The following ATF7 variants were observed in gnomAD, a reference collection of about 807,000 sequenced individuals.
ATF7 encodes the protein cyclic AMP-dependent transcription factor ATF-7.
A neutral mutation model predicts 50.4 loss-of-function variants in ATF7; 10 were observed. That is an observed-to-expected ratio of 0.20 (90% CI 0.12 to 0.34). The LOEUF is 0.34. Among genes scored for constraint, ATF7 ranks in the 10% least tolerant of loss-of-function variants. The probability of loss-of-function intolerance (pLI) is 1.00; values close to 1 mark genes in which losing one functional copy is unlikely to be tolerated. For synonymous variants in ATF7, 201 were observed against 226.4 expected (o/e 0.89, Z 1.01); for missense variants, 465 against 613.9 (o/e 0.76, Z 2.56).
intron 2 of ATF7, among the ~76,000 whole-genome samples, chr12:53,582,735 C>T (rs1258418485): frequency 4.6e-5 from 7 of 152,116 alleles, no homozygotes; most frequent in Non-Finnish European, 7.4e-5. Context: ...CCCGCCACCA[C>T]GCCCGGCTAA....
At chr12:53,591,181 C>A (rs1942922542) in intron 2 of ATF7, among the ~76,000 whole-genome samples, 1 of 152,066 alleles carries the variant, frequency 6.6e-6, no homozygotes, top group South Asian at 2.1e-4. Context: ...CTTACTGCTG[C>A]TCTAAAAAAT....
intron 9 of ATF7, 63 bp downstream of exon 9, chr12:53,531,681 A>C: frequency 1.3e-6 from 2 of 1,485,348 alleles, no homozygotes; most frequent in Non-Finnish European, 1.8e-6. Flanking sequence ...CTGCTCCTTG[A>C]ACAATAGATA....
chr12:53,620,445 G>A (rs1432567360), intron 1 of ATF7, among the ~76,000 whole-genome samples: 3 of 149,944 alleles, frequency 2.0e-5, no homozygotes, highest in African/African-American at 7.3e-5. Context: ...GCGTAGTGGC[G>A]GGCGCCTGTA....
At chr12:53,620,471 G>A (rs1243881133) in intron 1 of ATF7, among the ~76,000 whole-genome samples, 4 of 149,728 alleles carry the variant, frequency 2.7e-5, no homozygotes, top group African/African-American at 7.3e-5. Flanking sequence ...AGCTACTTGG[G>A]AGGCTGAGGC....
At chr12:53,601,956 G>C (rs952935828) in intron 1 of ATF7, among the ~76,000 whole-genome samples, 1 of 152,162 alleles carries the variant, frequency 6.6e-6, no homozygotes, top group African/African-American at 2.4e-5. Context: ...GAAATTCTTT[G>C]TTGAAGAACA....
At chr12:53,555,814 TTTG>T (rs757762124) in intron 2 of ATF7, among the ~76,000 whole-genome samples, 1 of 148,790 alleles carries the variant, frequency 6.7e-6, no homozygotes, top group Non-Finnish European at 1.5e-5. Context: ...CCCGTCTTTT[TTTG>T]TTTTGTTTTG....
chr12:53,603,950 A>C (rs886249205), intron 1 of ATF7, among the ~76,000 whole-genome samples: 7 of 152,202 alleles, frequency 4.6e-5, no homozygotes, highest in Non-Finnish European at 8.8e-5. Flanking sequence ...ATCTTGAAAA[A>C]CAATGCTGCC....
intron 2 of ATF7, among the ~76,000 whole-genome samples, chr12:53,582,709 G>C (rs944247992): frequency 3.9e-5 from 6 of 152,118 alleles, no homozygotes; most frequent in African/African-American, 1.2e-4. Flanking sequence ...CTCCGGAGTA[G>C]CTGGGACTAC....
Position 53,593,762 on chromosome 12 carries a change from C to T in ATF7, c.48+7191G>A, listed in dbSNP as rs531354474. Among the ~76,000 whole-genome samples, 12 of 152,282 alleles carry T rather than the reference C, an allele frequency of 7.9e-5. No individual in the cohort carries two copies. In the South Asian group the frequency reaches 2.1e-3, roughly 26 times the overall value. Reference sequence around the variant, plus strand: ...CTATGACAAGTTTTCCCCAGTAAAACGCCAGAAGACTTTACTAACAGCTTC... The same window carrying T: ...CTATGACAAGTTTTCCCCAGTAAAATGCCAGAAGACTTTACTAACAGCTTC... On this transcript the variant is annotated intron_variant, in intron 2 of 11. Transcript: ENST00000420353.
intron 1 of ATF7, among the ~76,000 whole-genome samples, chr12:53,604,663 A>C (rs1183421916): frequency 6.6e-6 from 1 of 152,238 alleles, no homozygotes; most frequent in Non-Finnish European, 1.5e-5. Flanking sequence ...TAAAAGCCAC[A>C]TACAAACACA....
rs1383652170 is a variant in ATF7, at chr12:53,518,907, AG to A, written c.1235-1554del. ...CAAAAAAAAAAAAAACCAAAAAATTAGCTGGGCATGGTGGCGGGCGCCTGTT... is the reference window on the plus strand; with the variant it reads ...CAAAAAAAAAAAAAACCAAAAAATTACTGGGCATGGTGGCGGGCGCCTGTT... On this transcript the variant is annotated intron_variant, in intron 11 of 11. Transcript: ENST00000420353. 2.0e-5 allele frequency among the ~76,000 whole-genome samples: 3 copies of A among 151,700 alleles called. No homozygotes were observed. The East Asian group carries it at 5.8e-4, about 29-fold the overall frequency.
At chr12:53,611,420 T>C (rs1943874845) in intron 1 of ATF7, among the ~76,000 whole-genome samples, 1 of 151,884 alleles carries the variant, frequency 6.6e-6, no homozygotes, top group African/African-American at 2.4e-5. Flanking sequence ...GCCACTGCAC[T>C]CCAGCCTGGT....
chr12:53,562,421 C>T (rs1941183808), intron 2 of ATF7, among the ~76,000 whole-genome samples: 1 of 152,104 alleles, frequency 6.6e-6, no homozygotes, highest in Non-Finnish European at 1.5e-5. Context: ...GGGCAGATCA[C>T]CTGAGGTCAG....
rs1470905771 is a variant in ATF7 at position 53,513,904 on chromosome 12, C to T, written c.*3233G>A. 2 of 152,266 alleles carry T rather than the reference C, an allele frequency of 1.3e-5. No homozygotes were observed. Among genetic ancestry groups the T allele is most frequent in the Non-Finnish European group, 2.9e-5 (2 of 68,144 alleles). The allele number at this position is 152,266 out of a possible 1,614,324, so 9.4% of individuals were successfully genotyped here. A position where few individuals can be genotyped will look rare whatever the true frequency, so the allele number is the denominator to read the frequency against. Reference sequence around the variant, plus strand: ...AAGAAAGGAGCCAAAACCAACAGAACAGGGATAGAGAAGTGAGCGAGAGGA... The same window carrying T: ...AAGAAAGGAGCCAAAACCAACAGAATAGGGATAGAGAAGTGAGCGAGAGGA... On this transcript the variant is annotated 3_prime_UTR_variant, in exon 12 of 12. Coordinates refer to ENST00000420353, the MANE Select transcript of ATF7 (RefSeq NM_006856.3).
At chr12:53,573,997 C>G (rs957641817) in intron 2 of ATF7, among the ~76,000 whole-genome samples, 2 of 152,192 alleles carry the variant, frequency 1.3e-5, no homozygotes, top group Non-Finnish European at 2.9e-5. Flanking sequence ...CACAACTTTA[C>G]TAGGGACGTA....
intron 2 of ATF7, among the ~76,000 whole-genome samples, chr12:53,574,222 T>C (rs2137646579): frequency 6.6e-6 from 1 of 152,050 alleles, no homozygotes; most frequent in Non-Finnish European, 1.5e-5. Context: ...AGAAGAGAGA[T>C]GAAAATTCTA....
At chr12:53,622,217 G>T (rs1044508402) in intron 1 of ATF7, among the ~76,000 whole-genome samples, 1 of 152,012 alleles carries the variant, frequency 6.6e-6, no homozygotes, top group Non-Finnish European at 1.5e-5. Context: ...GACAAGAATC[G>T]CTTGAAACCG....
At position 53,612,792 on chromosome 12, in the gene ATF7, C is replaced by G. The variant is rs547767169; in HGVS notation, c.-21-11771G>C. On this transcript the variant is annotated intron_variant, in intron 1 of 11. Coordinates refer to ENST00000420353, the MANE Select transcript of ATF7 (RefSeq NM_006856.3). ...GCTGAGGTGGGCAGATCACCTGCAG[C>G]CAGGAGTTCGAGACCAGCTTGGCCA... is the stretch of plus-strand genomic sequence containing the variant. 2.6e-5 allele frequency among the ~76,000 whole-genome samples: 4 copies of G among 152,272 alleles called. No individual in the cohort carries two copies. The South Asian group carries it at 8.3e-4, about 32-fold the overall frequency.
intron 11 of ATF7, among the ~76,000 whole-genome samples, chr12:53,521,458 G>A (rs12321426): frequency 0.042 from 6,411 of 152,170 alleles, 383 homozygotes; most frequent in African/African-American, 0.13. Flanking sequence ...CCTCCTTGAT[G>A]TTCCTAGATG....
Sources: allele counts gnomAD v4.1 joint callset (sites outside exome capture counted in the v4.1 genomes callset), GRCh38; gene constraint gnomAD v4.1.1; transcripts MANE v1.5; gene names NCBI Gene and HGNC (gene_info 2026-07-23, HGNC 2026-07-21).